The following WWOX variants were observed in gnomAD, a reference collection of about 807,000 sequenced individuals.
WWOX encodes the protein WW domain-containing oxidoreductase.
WWOX carries 69 observed loss-of-function variants against 46.2 expected under a neutral mutation model. The observed-to-expected ratio is 1.49, with a 90% CI of 1.23 to 1.82. The LOEUF (loss-of-function observed/expected upper bound fraction) is 1.82. Among genes scored for constraint, WWOX ranks in the 40% most tolerant of loss-of-function variants. The pLI is 0.00. For missense variants in WWOX, 919 were observed against 542.6 expected (o/e 1.69, Z -6.89); for synonymous variants, 359 against 202.6 (o/e 1.77, Z -6.56).
At chr16:78,927,301 C>T (rs2045520870) in intron 8 of WWOX, among the ~76,000 whole-genome samples, 1 of 152,202 alleles carries the variant, frequency 6.6e-6, no homozygotes, top group Non-Finnish European at 1.5e-5. Flanking sequence ...GCAGAGCCTG[C>T]TCTTGGTCCA....
At chr16:78,726,748 C>A (rs560687586) in intron 8 of WWOX, among the ~76,000 whole-genome samples, 14 of 150,456 alleles carry the variant, frequency 9.3e-5, no homozygotes, top group Admixed American at 9.2e-4. Flanking sequence ...CCAGGGGATG[C>A]TGTGGTTGAA....
At chr16:78,495,174 C>T (rs1308598697) in intron 8 of WWOX, among the ~76,000 whole-genome samples, 1 of 85,916 alleles carries the variant, frequency 1.2e-5, no homozygotes, top group East Asian at 4.2e-4. Context: ...TAGACTCTTG[C>T]CTGTCGCCCA....
intron 8 of WWOX, among the ~76,000 whole-genome samples, chr16:78,608,936 C>T (rs1216766785): frequency 2.6e-5 from 4 of 152,268 alleles, no homozygotes; most frequent in East Asian, 3.9e-4. Flanking sequence ...ATTTAACTAG[C>T]AGCAATAAAA....
At chr16:79,094,188 C>T (rs151005833) in intron 8 of WWOX, among the ~76,000 whole-genome samples, 120 of 151,704 alleles carry the variant, frequency 7.9e-4, no homozygotes, top group African/African-American at 2.8e-3. Flanking sequence ...CGTCGTGTGC[C>T]GATATTTCAT....
chr16:78,997,443 A>G (rs1444697972), intron 8 of WWOX, among the ~76,000 whole-genome samples: 2 of 152,126 alleles, frequency 1.3e-5, no homozygotes, highest in Non-Finnish European at 2.9e-5. Context: ...TTATTTCTGT[A>G]TATCTGTATG....
intron 8 of WWOX, among the ~76,000 whole-genome samples, chr16:79,185,882 A>C (rs1179613302): frequency 1.3e-5 from 2 of 152,148 alleles, no homozygotes; most frequent in African/African-American, 2.4e-5. Flanking sequence ...TAGTGCTCAG[A>C]TATCTGAGGC....
At chr16:78,818,743 C>G (rs1249943341) in intron 8 of WWOX, among the ~76,000 whole-genome samples, 4 of 152,174 alleles carry the variant, frequency 2.6e-5, no homozygotes, top group Admixed American at 2.6e-4. Context: ...AACTAGCTTG[C>G]CAGTCAAGTC....
intron 8 of WWOX, among the ~76,000 whole-genome samples, chr16:78,794,299 T>A (rs933556534): frequency 6.6e-6 from 1 of 152,176 alleles, no homozygotes; most frequent in Non-Finnish European, 1.5e-5. Flanking sequence ...TCCAGAACCA[T>A]GAGAAATAAA....
At chr16:79,203,627 C>T (rs1005792787) in intron 8 of WWOX, 2 of 152,040 alleles carry the variant, frequency 1.3e-5, no homozygotes, top group South Asian at 2.1e-4. Flanking sequence ...CTGAAATCCT[C>T]CCTGCTCACA....
intron 8 of WWOX, among the ~76,000 whole-genome samples, chr16:78,866,802 G>A (rs992567579): frequency 3.3e-5 from 5 of 152,206 alleles, no homozygotes; most frequent in African/African-American, 1.2e-4. Context: ...CTTGAGCTAG[G>A]ACCATATCCA....
chr16:78,508,524 C>G (rs1479651830), intron 8 of WWOX, among the ~76,000 whole-genome samples: 2 of 152,066 alleles, frequency 1.3e-5, no homozygotes, highest in African/African-American at 4.8e-5. Context: ...GCCTTGATGT[C>G]GGAGTGTTCT....
intron 8 of WWOX, among the ~76,000 whole-genome samples, chr16:78,505,142 C>T (rs1490866606): frequency 1.3e-5 from 2 of 152,204 alleles, no homozygotes; most frequent in East Asian, 1.9e-4. Flanking sequence ...CTCTTCAGAA[C>T]TTCAAATCTA....
chr16:78,718,470 C>G (rs546652393), intron 8 of WWOX, among the ~76,000 whole-genome samples: 9 of 152,140 alleles, frequency 5.9e-5, no homozygotes, highest in Non-Finnish European at 8.8e-5. Context: ...GGAGGGTTCT[C>G]TTTCCCATAT....
intron 5 of WWOX, among the ~76,000 whole-genome samples, chr16:78,222,015 G>T (rs749955686): frequency 3.3e-5 from 5 of 152,132 alleles, no homozygotes; most frequent in Non-Finnish European, 7.3e-5. Context: ...CTTCTGCCGA[G>T]AAAAGAAAGT....
intron 8 of WWOX, among the ~76,000 whole-genome samples, chr16:78,722,716 T>G (rs894569963): frequency 6.8e-6 from 1 of 147,922 alleles, no homozygotes; most frequent in Non-Finnish European, 1.5e-5. Context: ...TTTTTTTTTT[T>G]TTTTTCCTCT....
At chr16:78,995,477 C>G (rs1255370002) in intron 8 of WWOX, among the ~76,000 whole-genome samples, 1 of 152,002 alleles carries the variant, frequency 6.6e-6, no homozygotes, top group African/African-American at 2.4e-5. Flanking sequence ...ATTGGTAAAA[C>G]CAAGTTCTTT....
chr16:78,195,650 T>C (rs2036024748), intron 5 of WWOX, among the ~76,000 whole-genome samples: 1 of 151,864 alleles, frequency 6.6e-6, no homozygotes, highest in Admixed American at 6.6e-5. Context: ...GACGAAACCC[T>C]GTCTCTACTA....
At chr16:78,517,672 G>A (rs1285405101) in intron 8 of WWOX, among the ~76,000 whole-genome samples, 2 of 152,026 alleles carry the variant, frequency 1.3e-5, no homozygotes, top group Non-Finnish European at 2.9e-5. Flanking sequence ...TGGTGGAAGC[G>A]CGAGGTGGTG....
At chr16:78,809,372 C>T (rs528908009) in intron 8 of WWOX, among the ~76,000 whole-genome samples, 16 of 147,556 alleles carry the variant, frequency 1.1e-4, no homozygotes, top group Non-Finnish European at 2.2e-4. Flanking sequence ...AAGCATTTTT[C>T]GAATGAAAAC....
Sources: allele counts gnomAD v4.1 joint callset (sites outside exome capture counted in the v4.1 genomes callset), GRCh38; gene constraint gnomAD v4.1.1; transcripts MANE v1.5; gene names NCBI Gene and HGNC (gene_info 2026-07-23, HGNC 2026-07-21).